Variants in FOXM1 observed in about 807,000 individuals in gnomAD.
FOXM1 encodes the protein forkhead box M1.
A neutral mutation model predicts 63.6 loss-of-function variants in FOXM1; 25 were observed. The observed-to-expected ratio is 0.39, with a 90% CI of 0.29 to 0.55. The LOEUF is 0.55. FOXM1 is among the 20% of genes least tolerant of loss of function. FOXM1 has a pLI of 0.60. For missense variants in FOXM1, 879 were observed against 958.7 expected, an observed-to-expected ratio of 0.92 and a Z score of 1.10; for synonymous variants, 387 against 376.9, an observed-to-expected ratio of 1.03 and a Z score of -0.31.
chr12:2,861,253 G>A, intron 8 of FOXM1: 2 of 706,806 alleles, frequency 2.8e-6, no homozygotes, highest in East Asian at 2.7e-5. Flanking sequence ...ATTCATAGAG[G>A]ACAATTCCAA....
chr12:2,861,011 T>TA (rs952396314), intron 8 of FOXM1, among the ~76,000 whole-genome samples: 9 of 149,636 alleles, frequency 6.0e-5, no homozygotes, highest in African/African-American at 2.2e-4. Flanking sequence ...TACTAAAAAA[T>TA]ACAAAAATTA....
Position 2,874,781 on chromosome 12 carries a change from T to G in FOXM1, c.-47-256A>C, listed in dbSNP as rs1367880164. Reference sequence around the variant, plus strand: ...GGTTGGAGATAAGACAAAGATCTCCTTGAAGCTTCAGAATATTTGGCTACA... The same window carrying G: ...GGTTGGAGATAAGACAAAGATCTCCGTGAAGCTTCAGAATATTTGGCTACA... On this transcript the variant is annotated intron_variant, in intron 1 of 8. Transcript: ENST00000359843. The surrounding 1 kb of genome is among the most constrained non-coding windows in gnomAD (Gnocchi z 4.3). Among the ~76,000 whole-genome samples, 2 of 152,170 alleles carry G rather than the reference T, an allele frequency of 1.3e-5. No individual in the cohort carries two copies. The highest frequency in any genetic ancestry group is 2.9e-5 in the Non-Finnish European group (2 of 68,040).
intron 4 of FOXM1, among the ~76,000 whole-genome samples, chr12:2,867,425 G>A (rs115098588): frequency 0.052 from 7,873 of 152,106 alleles, 673 homozygotes; most frequent in African/African-American, 0.18. Flanking sequence ...CAGGCAACAG[G>A]GTGAGACCCT....
chr12:2,858,709 G>A lies in FOXM1; in HGVS notation c.2221C>T (p.Pro741Ser), dbSNP rs2098098237. 1 of 1,614,080 alleles carries A rather than the reference G, an allele frequency of 6.2e-7. No individual in the cohort carries two copies. Among genetic ancestry groups the A allele is most frequent in the African/African-American group, 1.3e-5 (1 of 74,934 alleles). Residue 741 changes from proline to serine, a missense_variant, in exon 9 of 9, where the codon CCT (proline) becomes TCT (serine). This residue lies in a region of FOXM1 where 486 missense variants were observed against 453.5 expected (regional missense o/e 1.07). Transcript: ENST00000359843. ...LSKILLDISF[P>S]GLDEDPLGPD... is the part of the protein sequence containing the mutation. ...CCCAGTGGGTCCTCGTCCAGGCCAG[G>A]AAAGCTGATGTCCAGCAGGATCTTG... is the stretch of plus-strand genomic sequence containing the variant.
Position 2,872,674 on chromosome 12 carries a change from G to A in FOXM1, c.503-427C>T, listed in dbSNP as rs1421852947. Among the ~76,000 whole-genome samples the A allele has an allele frequency of 1.3e-5, 2 of 152,126 alleles. No individual in the cohort carries two copies. Among genetic ancestry groups the A allele is most frequent in the African/African-American group, 2.4e-5 (1 of 41,428 alleles). ...GTCCAAGACCTCTGCCTTTAGGGAC[G>A]GAGAACACATGCTGAATCTATTGTG... On this transcript the variant is annotated intron_variant, in intron 2 of 8. Coordinates refer to ENST00000359843, the MANE Select transcript of FOXM1 (RefSeq NM_021953.4). This position sits in a 1 kb window ranked among gnomAD's most constrained non-coding sequence, Gnocchi z 4.0.
intron 8 of FOXM1, among the ~76,000 whole-genome samples, chr12:2,862,196 A>T (rs923514987): frequency 6.6e-6 from 1 of 152,002 alleles, no homozygotes; most frequent in African/African-American, 2.4e-5. Context: ...AAAAAAAAAA[A>T]AAGAGACATG....
At chr12:2,876,325 T>C (rs1263818485) in intron 1 of FOXM1, 1 of 152,184 alleles carries the variant, frequency 6.6e-6, no homozygotes, top group Non-Finnish European at 1.5e-5. Context: ...AATCAGTAGA[T>C]ATTATTCCTC....
At chr12:2,859,798 T>C in intron 8 of FOXM1, 135 bp from the exon 9 acceptor site, 2 of 670,876 alleles carry the variant, frequency 3.0e-6, no homozygotes, top group East Asian at 2.7e-5. Flanking sequence ...ACGATGTATG[T>C]TGAAGTTGGT....
Position 2,858,897 on chromosome 12 carries a change from C to T in FOXM1, c.2033G>A (p.Ser678Asn). ...GGAGATGAGGTCTAAGGGTTCTGAA[C>T]TGAGGAGCCTTTGCGGTGATTCAAG... is the stretch of plus-strand genomic sequence containing the variant. Reference protein sequence around the residue: ...PPLESPQRLLSSEPLDLISVP... With the variant: ...PPLESPQRLLNSEPLDLISVP... The change falls in exon 9 of 9, where the codon AGT becomes AAT. Residue 678 changes from serine (S) to asparagine (N), a missense_variant. Around this residue, in one of 4 missense-constraint regions of FOXM1, gnomAD observed 486 missense variants for 453.5 expected, o/e 1.07. Coordinates refer to ENST00000359843, the MANE Select transcript of FOXM1 (RefSeq NM_021953.4). 6.2e-7 allele frequency: 1 copy of T among 1,613,960 alleles called. No individual in the cohort carries two copies. Among genetic ancestry groups the T allele is most frequent in the Non-Finnish European group, 8.5e-7 (1 of 1,179,996 alleles).
At chr12:2,866,002 A>G (rs895311959) in intron 5 of FOXM1, among the ~76,000 whole-genome samples, 1 of 152,078 alleles carries the variant, frequency 6.6e-6, no homozygotes, top group Admixed American at 6.6e-5. Flanking sequence ...TGTAAGAATC[A>G]CCTGAGATGC....
At chr12:2,862,775 C>T (rs1052259975) in intron 8 of FOXM1, among the ~76,000 whole-genome samples, 3 of 151,684 alleles carry the variant, frequency 2.0e-5, no homozygotes, top group Middle Eastern at 3.2e-3. Context: ...CTCCTGGCCT[C>T]AAGTGATCCT....
rs2098118914 is a variant in FOXM1 at position 2,864,187 on chromosome 12, AT to A, written c.1266+132del. ...TCTTCTAATGCTATTACACTTCCCT[AT>A]GTTTTTATGCCTTTTCTACCCAACT... On this transcript the variant is annotated intron_variant, in intron 8 of 8. Coordinates refer to ENST00000359843, the MANE Select transcript of FOXM1 (RefSeq NM_021953.4). The surrounding 1 kb of genome is among the most constrained non-coding windows in gnomAD (Gnocchi z 5.1). The A allele has an allele frequency of 2.6e-6, 2 of 781,474 alleles. No homozygotes were observed. Among genetic ancestry groups the A allele is most frequent in the Non-Finnish European group, 4.2e-6 (2 of 478,688 alleles). The allele number at this position is 781,474 out of a possible 1,614,324, so 48.4% of individuals were successfully genotyped here.
chr12:2,858,887 G>A lies in FOXM1; in HGVS notation c.2043C>T (p.Pro681=). 6.2e-7 allele frequency: 1 copy of A among 1,614,092 alleles called. No homozygotes were observed. The highest frequency in any genetic ancestry group is 1.1e-5 in the South Asian group (1 of 91,080). The change falls in exon 9 of 9, where the codon CCC becomes CCT. Residue 681 remains proline (P), a synonymous_variant. Coordinates refer to ENST00000359843, the MANE Select transcript of FOXM1 (RefSeq NM_021953.4). The part of the protein sequence containing the change: ...ESPQRLLSSE[P]LDLISVPFGN... Reference sequence around the variant, plus strand: ...CAAAGGGGACGGAGATGAGGTCTAAGGGTTCTGAACTGAGGAGCCTTTGCG... The same window carrying A: ...CAAAGGGGACGGAGATGAGGTCTAAAGGTTCTGAACTGAGGAGCCTTTGCG...
In FOXM1 at chr12:2,859,310, C is replaced by T. The variant is rs376296010; in HGVS notation, c.1620G>A (p.Glu540=). ...GCTGTTTTCTCCGAGACCGGCTCCT[C>T]TCCCTCCTCTCCCTGTGTTGAATCA... is the stretch of plus-strand genomic sequence containing the variant. ...MLVIQHRERR[E]RSRSRRKQHL... The change falls in exon 9 of 9, where the codon GAG becomes GAA. Residue 540 remains glutamate (E), a synonymous_variant. Coordinates refer to ENST00000359843, the MANE Select transcript of FOXM1 (RefSeq NM_021953.4). The T allele has an allele frequency of 5.8e-5, 94 of 1,612,890 alleles. No homozygotes were observed. In the South Asian group the frequency reaches 6.6e-4, roughly 11 times the overall value.
rs1272232364 is a variant in FOXM1 at position 2,859,372 on chromosome 12, G to C, written c.1558C>G (p.Leu520Val). 6.2e-7 allele frequency: 1 copy of C among 1,613,834 alleles called. No homozygotes were observed. The highest frequency in any genetic ancestry group is 8.5e-7 in the Non-Finnish European group (1 of 1,180,020). The stretch of plus-strand genomic sequence containing the variant: ...GAGACACACCGGGTTGGGGACCTAA[G>C]CCCACTGTAGGACTTCTTGGGTCTT... ...TPRPKKSYSG[L>V]RSPTRCVSEM... The change falls in exon 9 of 9, where the codon CTT (leucine) becomes GTT (valine). Residue 520 changes from leucine (L) to valine (V), a missense_variant. Leu to Val is a conservative substitution (Grantham distance 32, BLOSUM62 1). Coordinates refer to ENST00000359843, the MANE Select transcript of FOXM1 (RefSeq NM_021953.4).
chr12:2,864,499 G>C lies in FOXM1; in HGVS notation c.1091-4C>G, dbSNP rs536124348. ...AGCAGTGGCTTCATCTTCCGCCCTA[G>C]GAGGAAACACGAGAGATCAGGAGCA... On this transcript the variant is annotated splice_polypyrimidine_tract_variant and splice_region_variant and intron_variant, in intron 7 of 8. Coordinates refer to ENST00000359843, the MANE Select transcript of FOXM1 (RefSeq NM_021953.4). The surrounding 1 kb of genome is among the most constrained non-coding windows in gnomAD (Gnocchi z 5.1). 1.2e-6 allele frequency: 2 copies of C among 1,609,986 alleles called. No individual in the cohort carries two copies. The highest frequency in any genetic ancestry group is 1.1e-5 in the South Asian group (1 of 90,962).
chr12:2,872,224 T>TGCA lies in FOXM1; in HGVS notation c.523_525dup (p.Cys175dup). On this transcript the variant is annotated inframe_insertion, in exon 3 of 9. Coordinates refer to ENST00000359843, the MANE Select transcript of FOXM1 (RefSeq NM_021953.4). This position sits in a 1 kb window ranked among gnomAD's most constrained non-coding sequence, Gnocchi z 4.0. ...ATGTTGGATAGGCTATTGTTGATAG[T>TGCA]GCAGCCTGCTGCCTCACCATCTGCT... is the stretch of plus-strand genomic sequence containing the variant. 1 of 1,614,232 alleles carries TGCA rather than the reference T, an allele frequency of 6.2e-7. No homozygotes were observed.
At chr12:2,859,926 A>G (rs1462249466) in intron 8 of FOXM1, 4 of 383,408 alleles carry the variant, frequency 1.0e-5, no homozygotes, top group Non-Finnish European at 1.9e-5. Context: ...ACAAAGATTT[A>G]ATGCATGAAA....
At position 2,858,613 on chromosome 12, in the gene FOXM1, T is replaced by G. The variant is rs755669537; in HGVS notation, c.*25A>C. 1.2e-6 allele frequency: 2 copies of G among 1,600,894 alleles called. No individual in the cohort carries two copies. Among genetic ancestry groups the G allele is most frequent in the Non-Finnish European group, 8.5e-7 (1 of 1,172,302 alleles). On this transcript the variant is annotated 3_prime_UTR_variant, in exon 9 of 9. Transcript: ENST00000359843. ...GGAGTGCCCGGGATGGTGGACAGCT[T>G]GAGCACAGGGGCAAGGGCAGGGCTC...
Sources: allele counts gnomAD v4.1 joint callset (sites outside exome capture counted in the v4.1 genomes callset), GRCh38; gene constraint gnomAD v4.1.1; regional missense constraint gnomAD v4.1.1; non-coding constraint Gnocchi (gnomAD v3.1); transcripts MANE v1.5; gene names NCBI Gene and HGNC (gene_info 2026-07-23, HGNC 2026-07-21).